Variants in IMMP2L observed in about 807,000 individuals in gnomAD.
IMMP2L encodes inner mitochondrial membrane peptidase subunit 2, also known as mitochondrial inner membrane protease subunit 2.
A neutral mutation model predicts 19.3 loss-of-function variants in IMMP2L; 18 were observed. The observed-to-expected ratio is 0.93, with a 90% confidence interval of 0.64 to 1.38. The LOEUF (loss-of-function observed/expected upper bound fraction) is 1.38, where lower values mean the gene tolerates loss of function less well. Ranked by LOEUF, IMMP2L falls within the 40% of genes most tolerant of loss-of-function variation. The pLI is 0.00. For missense variants in IMMP2L, 233 were observed against 218.2 expected (o/e 1.07, Z -0.43); for synonymous variants, 76 against 73.0 (o/e 1.04, Z -0.21).
intron 3 of IMMP2L, among the ~76,000 whole-genome samples, chr7:111,190,036 G>A (rs530567265): frequency 6.6e-6 from 1 of 152,232 alleles, no homozygotes; most frequent in Non-Finnish European, 1.5e-5. Context: ...AACATGGCCA[G>A]TTGACAGTAT....
intron 3 of IMMP2L, among the ~76,000 whole-genome samples, chr7:111,221,868 A>G (rs915560560): frequency 4.6e-5 from 7 of 152,184 alleles, no homozygotes; most frequent in African/African-American, 1.2e-4. Flanking sequence ...TTATTAGAAT[A>G]GCATAGCATT....
At chr7:111,231,435 C>T (rs549110494) in intron 3 of IMMP2L, among the ~76,000 whole-genome samples, 1 of 152,046 alleles carries the variant, frequency 6.6e-6, no homozygotes, top group South Asian at 2.1e-4. Context: ...GACTTTCTCC[C>T]AAATCTTAAC....
At position 111,545,154 on chromosome 7, in the gene IMMP2L, A is replaced by T. The variant is rs1010391683; in HGVS notation, c.-3+16697T>A. Among the ~76,000 whole-genome samples, 8 of 152,154 alleles carry T rather than the reference A, an allele frequency of 5.3e-5. No individual in the cohort carries two copies. In the South Asian group the frequency reaches 1.7e-3, roughly 32 times the overall value. Reference sequence around the variant, plus strand: ...ATATTTTTAAATATTAATTTTTTTTAAAAAAGAGAAAGAACAGGTTGGTCA... The same window carrying T: ...ATATTTTTAAATATTAATTTTTTTTTAAAAAGAGAAAGAACAGGTTGGTCA... On this transcript the variant is annotated intron_variant, in intron 1 of 5. Transcript: ENST00000405709.
chr7:111,394,660 T>A (rs1359291173), intron 3 of IMMP2L, among the ~76,000 whole-genome samples: 1 of 152,134 alleles, frequency 6.6e-6, no homozygotes, highest in African/African-American at 2.4e-5. Context: ...GTAATAAAGT[T>A]CTTTCATCTC....
intron 5 of IMMP2L, among the ~76,000 whole-genome samples, chr7:110,670,695 A>C (rs1214428325): frequency 6.6e-6 from 1 of 151,538 alleles, no homozygotes; most frequent in Non-Finnish European, 1.5e-5. Flanking sequence ...GTCTCAAAAA[A>C]AAAAAAAAAC....
At chr7:110,997,436 G>T (rs1249584651) in intron 3 of IMMP2L, among the ~76,000 whole-genome samples, 5 of 151,970 alleles carry the variant, frequency 3.3e-5, no homozygotes, top group African/African-American at 1.2e-4. Context: ...TGGGTTATAT[G>T]GTCAAATTGT....
At chr7:110,926,004 C>G (rs1293279358) in intron 4 of IMMP2L, among the ~76,000 whole-genome samples, 1 of 151,880 alleles carries the variant, frequency 6.6e-6, no homozygotes, top group East Asian at 1.9e-4. Context: ...ATTTAAACAT[C>G]TGCAAAAAAT....
intron 4 of IMMP2L, among the ~76,000 whole-genome samples, chr7:110,959,212 G>T (rs768393324): frequency 4.0e-5 from 6 of 151,770 alleles, no homozygotes; most frequent in Non-Finnish European, 4.4e-5. Flanking sequence ...TTCTTTCCAA[G>T]AAAATATTTT....
intron 4 of IMMP2L, among the ~76,000 whole-genome samples, chr7:110,960,038 A>G (rs1293690163): frequency 6.6e-6 from 1 of 152,000 alleles, no homozygotes; most frequent in Non-Finnish European, 1.5e-5. Flanking sequence ...CTAGTGACCA[A>G]TAATGATCCA....
chr7:111,016,858 TATA>T (rs1563163373), intron 3 of IMMP2L, among the ~76,000 whole-genome samples: 3 of 88,616 alleles, frequency 3.4e-5, no homozygotes, highest in East Asian at 3.0e-4. Context: ...ATATATATTA[TATA>T]ATATATTACA....
intron 3 of IMMP2L, among the ~76,000 whole-genome samples, chr7:111,264,780 T>C (rs1029877681): frequency 6.6e-6 from 1 of 151,578 alleles, no homozygotes; most frequent in African/African-American, 2.4e-5. Flanking sequence ...AGCAGTTTTC[T>C]CATATTGGTA....
At chr7:111,383,560 T>G (rs902681156) in intron 3 of IMMP2L, among the ~76,000 whole-genome samples, 2 of 152,106 alleles carry the variant, frequency 1.3e-5, no homozygotes, top group African/African-American at 4.8e-5. Context: ...ATTGAAAAAG[T>G]CAGACATTGA....
intron 3 of IMMP2L, among the ~76,000 whole-genome samples, chr7:111,340,233 G>A (rs979182859): frequency 6.6e-6 from 1 of 151,938 alleles, no homozygotes; most frequent in African/African-American, 2.4e-5. Context: ...AATTCAATAT[G>A]ATCCCTGAAT....
chr7:110,890,780 A>G (rs749932961), intron 4 of IMMP2L, among the ~76,000 whole-genome samples: 12 of 152,180 alleles, frequency 7.9e-5, no homozygotes, highest in Non-Finnish European at 1.2e-4. Context: ...TACTACCTTT[A>G]CCAAGACAAG....
intron 5 of IMMP2L, among the ~76,000 whole-genome samples, chr7:110,759,400 T>C (rs747940784): frequency 2.6e-5 from 4 of 152,100 alleles, no homozygotes; most frequent in Non-Finnish European, 5.9e-5. Flanking sequence ...TGAATTTAAA[T>C]ATAAATTTCT....
At chr7:111,071,816 T>C (rs1586081332) in intron 3 of IMMP2L, among the ~76,000 whole-genome samples, 1 of 152,306 alleles carries the variant, frequency 6.6e-6, no homozygotes, top group Non-Finnish European at 1.5e-5. Context: ...GTGGTGGTTG[T>C]ACAACACTGT....
At chr7:110,962,953 A>G in intron 4 of IMMP2L, 1 of 1,431,904 alleles carries the variant, frequency 7.0e-7, no homozygotes, top group Non-Finnish European at 9.1e-7. Flanking sequence ...TTCTTGATTT[A>G]TCAGCAAGTA....
At chr7:111,079,723 A>G (rs529625899) in intron 3 of IMMP2L, among the ~76,000 whole-genome samples, 1 of 152,352 alleles carries the variant, frequency 6.6e-6, no homozygotes, top group African/African-American at 2.4e-5. Context: ...TCTTCAAATT[A>G]TAATCTCCTA....
intron 3 of IMMP2L, among the ~76,000 whole-genome samples, chr7:111,145,797 A>G (rs1803406102): frequency 2.0e-5 from 3 of 152,168 alleles, no homozygotes; most frequent in South Asian, 4.1e-4. Flanking sequence ...GAGAAAAACA[A>G]TGTGTATAAC....
Sources: allele counts gnomAD v4.1 joint callset (sites outside exome capture counted in the v4.1 genomes callset), GRCh38; gene constraint gnomAD v4.1.1; transcripts MANE v1.5; gene names NCBI Gene and HGNC (gene_info 2026-07-23, HGNC 2026-07-21).